PTPRD: variants seen among roughly 807,000 people sequenced by gnomAD.
PTPRD encodes the protein protein tyrosine phosphatase receptor type D, also known as receptor-type tyrosine-protein phosphatase delta.
PTPRD carries 34 observed loss-of-function variants against 214.5 expected under a neutral mutation model. That is an observed-to-expected ratio of 0.16 (90% CI 0.12 to 0.21). PTPRD has a LOEUF of 0.21. PTPRD is among the 10% of genes least tolerant of loss of function. The pLI, the probability that PTPRD is intolerant of heterozygous loss-of-function variation, is 1.00. For missense variants in PTPRD, 2,545 were observed against 2,398.7 expected (o/e 1.06, Z -1.27); for synonymous variants, 1,128 against 845.7 (o/e 1.33, Z -5.79).
intron 2 of PTPRD, among the ~76,000 whole-genome samples, chr9:10,561,418 T>G (rs2063935453): frequency 6.6e-6 from 1 of 152,148 alleles, no homozygotes. Flanking sequence ...TTGAATAATT[T>G]GTGTTATTTC....
At chr9:8,592,064 T>C (rs550000991) in intron 14 of PTPRD, among the ~76,000 whole-genome samples, 3 of 152,242 alleles carry the variant, frequency 2.0e-5, no homozygotes, top group Non-Finnish European at 2.9e-5. Flanking sequence ...GGTCAAAAAG[T>C]ATCAAAATAT....
intron 7 of PTPRD, among the ~76,000 whole-genome samples, chr9:9,599,183 C>T (rs1047412629): frequency 3.3e-5 from 5 of 151,998 alleles, no homozygotes; most frequent in Admixed American, 1.3e-4. Context: ...TATATGAGTG[C>T]TTTACATGCT....
intron 6 of PTPRD, among the ~76,000 whole-genome samples, chr9:9,742,599 G>C (rs2098415497): frequency 6.6e-6 from 1 of 151,954 alleles, no homozygotes. Flanking sequence ...CTAAAACTTT[G>C]AGGTCATCAG....
At chr9:9,384,771 T>C (rs1467698009) in intron 9 of PTPRD, among the ~76,000 whole-genome samples, 3 of 152,076 alleles carry the variant, frequency 2.0e-5, no homozygotes, top group Non-Finnish European at 4.4e-5. Context: ...TTGCTGCTTT[T>C]TTCATGCTTC....
At chr9:10,369,183 G>A (rs942994480) in intron 2 of PTPRD, among the ~76,000 whole-genome samples, 4 of 151,820 alleles carry the variant, frequency 2.6e-5, no homozygotes, top group Non-Finnish European at 1.5e-5. Context: ...TTCCTCTTAG[G>A]GTCCATTTAT....
chr9:10,015,734 G>T (rs972460547), intron 4 of PTPRD, among the ~76,000 whole-genome samples: 1 of 152,096 alleles, frequency 6.6e-6, no homozygotes. Flanking sequence ...AGAGGTGGGG[G>T]AACCACAATA....
chr9:10,126,270 C>T (rs2098818406), intron 3 of PTPRD, among the ~76,000 whole-genome samples: 1 of 152,050 alleles, frequency 6.6e-6, no homozygotes, highest in African/African-American at 2.4e-5. Context: ...TACGACATGG[C>T]ATTTACGTAT....
At chr9:8,721,452 T>C (rs889168441) in intron 12 of PTPRD, among the ~76,000 whole-genome samples, 5 of 148,984 alleles carry the variant, frequency 3.4e-5, no homozygotes, top group African/African-American at 1.2e-4. Flanking sequence ...AAAAGAAAGA[T>C]AAAGTGTTTA....
At chr9:9,237,196 T>C (rs904066658) in intron 9 of PTPRD, among the ~76,000 whole-genome samples, 2 of 152,156 alleles carry the variant, frequency 1.3e-5, no homozygotes, top group East Asian at 1.9e-4. Context: ...AGCAAACAAA[T>C]GATAATACAA....
intron 9 of PTPRD, among the ~76,000 whole-genome samples, chr9:9,293,114 T>C (rs1333027526): frequency 6.6e-6 from 1 of 151,650 alleles, no homozygotes; most frequent in Non-Finnish European, 1.5e-5. Flanking sequence ...AGTGGAGAGT[T>C]ATGCTTTACC....
chr9:8,932,646 C>T (rs1356908926), intron 11 of PTPRD, among the ~76,000 whole-genome samples: 1 of 152,206 alleles, frequency 6.6e-6, no homozygotes, highest in African/African-American at 2.4e-5. Context: ...CCAGTCTGAA[C>T]TTCCCAGCGG....
At chr9:8,832,244 A>G (rs1213252736) in intron 11 of PTPRD, among the ~76,000 whole-genome samples, 1 of 151,962 alleles carries the variant, frequency 6.6e-6, no homozygotes, top group Non-Finnish European at 1.5e-5. Context: ...AGTAATCCCC[A>G]AAGCTCCTGG....
At chr9:10,509,557 T>TTATATTTATATATATATA (rs1246261539) in intron 2 of PTPRD, among the ~76,000 whole-genome samples, 3,210 of 106,576 alleles carry the variant, frequency 0.03, 132 homozygotes, top group African/African-American at 0.069. Context: ...TTAATAAATA[T>TTATATTTATATATATATA]TATATATATA....
chr9:9,642,343 C>A (rs1457962974), intron 7 of PTPRD, among the ~76,000 whole-genome samples: 1 of 149,548 alleles, frequency 6.7e-6, no homozygotes, highest in Non-Finnish European at 1.5e-5. Context: ...TGCAGCGCAC[C>A]AGCATGGCAC....
At chr9:9,740,332 A>C (rs1366342900) in intron 6 of PTPRD, among the ~76,000 whole-genome samples, 1 of 151,494 alleles carries the variant, frequency 6.6e-6, no homozygotes, top group East Asian at 1.9e-4. Flanking sequence ...ACTATTATGA[A>C]GTTGTTCCAT....
chr9:8,925,030 C>G (rs1299460633), intron 11 of PTPRD, among the ~76,000 whole-genome samples: 1 of 152,122 alleles, frequency 6.6e-6, no homozygotes, highest in Admixed American at 6.5e-5. Context: ...GTCCTGAGAG[C>G]TCAGGCAATA....
intron 7 of PTPRD, among the ~76,000 whole-genome samples, chr9:9,719,789 G>A (rs909165715): frequency 6.6e-6 from 1 of 152,122 alleles, no homozygotes; most frequent in South Asian, 2.1e-4. Flanking sequence ...GCATCTCTAC[G>A]CTTTCAGGCG....
intron 8 of PTPRD, among the ~76,000 whole-genome samples, chr9:9,436,495 CT>C (rs1167813131): frequency 6.6e-6 from 1 of 152,028 alleles, no homozygotes; most frequent in Non-Finnish European, 1.5e-5. Context: ...TAATTTCATC[CT>C]TGATTTTTGG....
chr9:9,119,734 G>C (rs867450213), intron 10 of PTPRD, among the ~76,000 whole-genome samples: 1 of 152,058 alleles, frequency 6.6e-6, no homozygotes, highest in African/African-American at 2.4e-5. Flanking sequence ...ATGTTGCCCA[G>C]GGTGGTCTCG....
Sources: allele counts gnomAD v4.1 joint callset (sites outside exome capture counted in the v4.1 genomes callset), GRCh38; gene constraint gnomAD v4.1.1; transcripts MANE v1.5; gene names NCBI Gene and HGNC (gene_info 2026-07-23, HGNC 2026-07-21).